Variants in SACS observed in about 807,000 individuals in gnomAD.
SACS encodes the protein sacsin.
SACS carries 197 observed loss-of-function variants against 348.0 expected under a neutral mutation model. The ratio of observed to expected loss-of-function variants is 0.57; its 90% CI spans 0.50 to 0.64. The LOEUF (loss-of-function observed/expected upper bound fraction) is 0.64, where lower values mean the gene tolerates loss of function less well. Ranked by LOEUF, SACS falls within the 30% of genes least tolerant of loss-of-function variation. SACS has a pLI of 0.00. For synonymous variants in SACS, 1,985 were observed against 1,910.6 expected, an observed-to-expected ratio of 1.04 and a Z score of -1.02; for missense variants, 4,999 against 5,360.8, an observed-to-expected ratio of 0.93 and a Z score of 2.11.
At chr13:23,361,779 A>G (rs1870748201) in intron 6 of SACS, among the ~76,000 whole-genome samples, 1 of 150,680 alleles carries the variant, frequency 6.6e-6, no homozygotes, top group Admixed American at 6.6e-5. Context: ...CTCCGTTTCG[A>G]AAAAGAAGGA....
chr13:23,333,954 G>A lies in SACS; in HGVS notation c.9922C>T (p.His3308Tyr). ...TGGGCATTTGGAAAAACTGCAATGT[G>A]CATAAGGCTGAGAGGAAGCAGAACA... ...GDVLLPLSLM[H>Y]IAVFPNAQSD... The change falls in exon 10 of 10, where the codon CAC becomes TAC. Residue 3308 changes from histidine to tyrosine, a missense_variant. Physicochemically the swap from His to Tyr is moderately conservative, Grantham distance 83. Coordinates refer to ENST00000382292, the MANE Select transcript of SACS (RefSeq NM_014363.6). 1 of 1,613,854 alleles carries A rather than the reference G, an allele frequency of 6.2e-7. No individual in the cohort carries two copies. Among genetic ancestry groups the A allele is most frequent in the Non-Finnish European group, 8.5e-7 (1 of 1,179,820 alleles).
At chr13:23,375,482 C>T (rs985872916) in intron 2 of SACS, 2 of 1,153,932 alleles carry the variant, frequency 1.7e-6, no homozygotes, top group East Asian at 4.2e-5. Flanking sequence ...GGCGCAGTCC[C>T]GTACGCAGCA....
intron 1 of SACS, chr13:23,428,865 AT>A (rs1874302812): frequency 1.3e-5 from 2 of 152,228 alleles, no homozygotes; most frequent in African/African-American, 4.8e-5. Flanking sequence ...AGAGTGAATA[AT>A]TTAGTCTCTT....
chr13:23,337,601 A>C lies in SACS; in HGVS notation c.6275T>G (p.Leu2092Arg). 1 of 1,613,972 alleles carries C rather than the reference A, an allele frequency of 6.2e-7. No individual in the cohort carries two copies. The highest frequency in any genetic ancestry group is 8.5e-7 in the Non-Finnish European group (1 of 1,179,972). Residue 2092 changes from leucine (L) to arginine (R), a missense_variant, in exon 10 of 10, where the codon CTT becomes CGT. By Grantham distance (102) the Leu-to-Arg change is moderately radical. This residue lies in a region of SACS where 3,156 missense variants were observed against 3,380.1 expected (regional missense o/e 0.93). Transcript: ENST00000382292. ...NEKVDEFSGV[L>R]RVTPCIPCSL... is the part of the protein sequence containing the mutation. ...ACAAGGAATACATGGAGTAACACGAAGAACTCCCGAGAACTCATCAACTTT... is the reference window on the plus strand; with the variant it reads ...ACAAGGAATACATGGAGTAACACGACGAACTCCCGAGAACTCATCAACTTT...
rs149005257 is a variant in SACS, at chr13:23,386,804, T to C, written c.21-11535A>G. Among the ~76,000 whole-genome samples, 21 of 152,236 alleles carry C rather than the reference T, an allele frequency of 1.4e-4. No homozygotes were observed. In the East Asian group the frequency reaches 3.9e-3, roughly 28 times the overall value. On this transcript the variant is annotated intron_variant, in intron 2 of 9. Coordinates refer to ENST00000382292, the MANE Select transcript of SACS (RefSeq NM_014363.6). ...TCACTTGAAGAGTTAGAGGCCATTA[T>C]AGGGTTACTAGTTGGCCTAATTTCA...
Position 23,329,959 on chromosome 13 carries a change from G to C in SACS, c.*177C>G. The C allele has an allele frequency of 4.7e-6, 3 of 633,090 alleles. No homozygotes were observed. In the South Asian group the frequency reaches 5.9e-5, roughly 13 times the overall value. The allele number at this position is 633,090 out of a possible 1,614,324, so 39.2% of individuals were successfully genotyped here. A position where few individuals can be genotyped will look rare whatever the true frequency, so the allele number is the denominator to read the frequency against. On this transcript the variant is annotated 3_prime_UTR_variant, in exon 10 of 10. Transcript: ENST00000382292. The stretch of plus-strand genomic sequence containing the variant: ...CCATCTTCAAAATAGTTTTCTTTTA[G>C]ATTCAGTTAAGGTTTTCCGTTGGTA...
rs371616247 is a variant in SACS, at chr13:23,336,450, C to T, written c.7426G>A (p.Val2476Ile). ...LCYNDCPWIK[V>I]KDTTVKYCHA... ...CAATATTTTACAGTGGTATCCTTTA[C>T]TTTTATCCAAGGGCAATCATTGTAG... Residue 2476 changes from valine (V) to isoleucine (I), a missense_variant, in exon 10 of 10, where the codon GTA becomes ATA. Physicochemically the swap from Val to Ile is conservative, Grantham distance 29. Coordinates refer to ENST00000382292, the MANE Select transcript of SACS (RefSeq NM_014363.6). The T allele has an allele frequency of 1.9e-6, 3 of 1,613,950 alleles. No homozygotes were observed. The African/African-American group carries it at 4.0e-5, about 22-fold the overall frequency.
chr13:23,375,177 A>C lies in SACS; in HGVS notation c.113T>G (p.Ile38Ser). 1 of 1,505,894 alleles carries C rather than the reference A, an allele frequency of 6.6e-7. No individual in the cohort carries two copies. The highest frequency in any genetic ancestry group is 8.9e-7 in the Non-Finnish European group (1 of 1,127,562). The allele number at this position is 1,505,894 out of a possible 1,614,324, so 93.3% of individuals were successfully genotyped here. Residue 38 changes from isoleucine to serine, a missense_variant, in exon 3 of 10, where the codon ATC becomes AGC. Ile to Ser is a moderately radical substitution (Grantham distance 142). This residue lies in a region of SACS where 3,156 missense variants were observed against 3,380.1 expected (regional missense o/e 0.93). Transcript: ENST00000382292. ...SWTVRDVKERIFAETGFPVSE... is the reference protein window; with the variant it reads ...SWTVRDVKERSFAETGFPVSE... ...CACCGGGAAGCCAGTCTCCGCGAAG[A>C]TACGTTCCTTCACATCGCGCACGGT...
In SACS at chr13:23,430,358, G is replaced by C. The variant is rs140620261; in HGVS notation, c.-502+3257C>G. ...AAGTAACTATCATTGATCAAGTAAA[G>C]CTCTGTTTATATCATATTGCCAAAT... is the stretch of plus-strand genomic sequence containing the variant. On this transcript the variant is annotated intron_variant, in intron 1 of 9. Transcript: ENST00000382292. Among the ~76,000 whole-genome samples the C allele has an allele frequency of 1.3e-3, 201 of 152,130 alleles. 2 individuals carry two copies. The highest frequency in any genetic ancestry group is 3.5e-3 in the African/African-American group (147 of 41,500).
At chr13:23,380,383 A>C (rs566651109) in intron 2 of SACS, among the ~76,000 whole-genome samples, 1 of 152,278 alleles carries the variant, frequency 6.6e-6, no homozygotes, top group African/African-American at 2.4e-5. Flanking sequence ...TCTGTATTTT[A>C]ACAAAGGATT....
At chr13:23,365,676 C>T (rs147047200) in intron 5 of SACS, among the ~76,000 whole-genome samples, 112 of 152,250 alleles carry the variant, frequency 7.4e-4, no homozygotes, top group African/African-American at 2.5e-3. Flanking sequence ...CAAAAATAGA[C>T]CTTTTTTATC....
intron 1 of SACS, among the ~76,000 whole-genome samples, chr13:23,426,638 TCAAA>T (rs1566115075): frequency 1.8e-5 from 1 of 56,264 alleles, no homozygotes. Flanking sequence ...AGACTCCGTC[TCAAA>T]AAAAAAAAAA....
chr13:23,369,365 G>A (rs565240030), intron 4 of SACS, among the ~76,000 whole-genome samples: 1 of 152,144 alleles, frequency 6.6e-6, no homozygotes, highest in East Asian at 1.9e-4. Context: ...GGAAGAACAA[G>A]AAAATGGGAA....
intron 2 of SACS, among the ~76,000 whole-genome samples, chr13:23,388,962 C>T (rs1268417453): frequency 1.3e-5 from 2 of 152,014 alleles, no homozygotes; most frequent in Non-Finnish European, 1.5e-5. Context: ...GTATCATTTG[C>T]AAATACCAAA....
At chr13:23,387,489 CTG>C (rs1872344420) in intron 2 of SACS, among the ~76,000 whole-genome samples, 1 of 138,010 alleles carries the variant, frequency 7.2e-6, no homozygotes, top group East Asian at 2.2e-4. Context: ...AAAAAAAAGT[CTG>C]TGAATGAAAT....
At chr13:23,385,574 T>C (rs1872256373) in intron 2 of SACS, among the ~76,000 whole-genome samples, 3 of 152,130 alleles carry the variant, frequency 2.0e-5, no homozygotes, top group Admixed American at 2.0e-4. Flanking sequence ...GTTAGGCTGG[T>C]CTCGAATTCC....
rs577366295 is a variant in SACS, at chr13:23,416,526, A to C, written c.-501-4786T>G. On this transcript the variant is annotated intron_variant, in intron 1 of 9. Transcript: ENST00000382292. ...TAATCCTAGCACTTTGGGAGGCCAC[A>C]GAGGCCAGATCACTTAGGCCCAGGA... Among the ~76,000 whole-genome samples the C allele has an allele frequency of 2.0e-5, 3 of 152,254 alleles. No individual in the cohort carries two copies. The South Asian group carries it at 6.2e-4, about 32-fold the overall frequency.
Position 23,339,665 on chromosome 13 carries a change from T to G in SACS, c.4211A>C (p.Lys1404Thr). 4 of 1,613,928 alleles carry G rather than the reference T, an allele frequency of 2.5e-6. No homozygotes were observed. The highest frequency in any genetic ancestry group is 3.4e-6 in the Non-Finnish European group (4 of 1,179,884). The change falls in exon 10 of 10, where the codon AAA becomes ACA. Residue 1404 changes from lysine (K) to threonine (T), a missense_variant. Physicochemically the swap from Lys to Thr is moderately conservative, Grantham distance 78 (BLOSUM62 -1). This residue lies in a region of SACS where 3,156 missense variants were observed against 3,380.1 expected (regional missense o/e 0.93). Transcript: ENST00000382292. ...AAGTAAGTCATTAAGGTCATCAACT[T>G]TAATGTCACAATAACAGCATTCGTG... ...PIHECCYCDIKVDDLNDLLED... is the reference protein window; with the variant it reads ...PIHECCYCDITVDDLNDLLED...
chr13:23,391,996 G>C (rs967213030), intron 2 of SACS, among the ~76,000 whole-genome samples: 1 of 152,128 alleles, frequency 6.6e-6, no homozygotes, highest in Non-Finnish European at 1.5e-5. Context: ...AATACTCCAA[G>C]GAAGGGCTCA....
Sources: allele counts gnomAD v4.1 joint callset (sites outside exome capture counted in the v4.1 genomes callset), GRCh38; gene constraint gnomAD v4.1.1; regional missense constraint gnomAD v4.1.1; transcripts MANE v1.5; gene names NCBI Gene and HGNC (gene_info 2026-07-23, HGNC 2026-07-21).